PCDH9: variants seen among roughly 807,000 people sequenced by gnomAD.
PCDH9 encodes protocadherin 9.
In PCDH9, 24 loss-of-function variants were observed where a neutral mutation model predicts 70.6. The ratio of observed to expected loss-of-function variants is 0.34; its 90% CI spans 0.25 to 0.48. The LOEUF (loss-of-function observed/expected upper bound fraction) is 0.48, where lower values mean the gene tolerates loss of function less well. PCDH9 is among the 20% of genes least tolerant of loss of function. The probability of loss-of-function intolerance (pLI) is 0.99; values close to 1 mark genes in which losing one functional copy is unlikely to be tolerated. For missense variants in PCDH9, 1,281 were observed against 1,503.6 expected (o/e 0.85, Z 2.45); for synonymous variants, 562 against 558.5 (o/e 1.01, Z -0.09).
At chr13:67,165,565 T>C (rs1325379198) in intron 2 of PCDH9, among the ~76,000 whole-genome samples, 3 of 152,120 alleles carry the variant, frequency 2.0e-5, no homozygotes, top group South Asian at 4.1e-4. Flanking sequence ...AGAACTGAGA[T>C]TGAATCCATA....
At chr13:66,944,570 T>C (rs2083056844) in intron 2 of PCDH9, among the ~76,000 whole-genome samples, 1 of 152,142 alleles carries the variant, frequency 6.6e-6, no homozygotes, top group South Asian at 2.1e-4. Context: ...GAAGGGGATG[T>C]GGTCATGAAA....
At position 66,378,418 on chromosome 13, in the gene PCDH9, G is replaced by A. The variant is rs575489805; in HGVS notation, c.3341-73390C>T. ...ACAGTCCTTCTGAGATTGGGACAATGAATAATCTCTCTGTGTGTGTATGTG... is the reference window on the plus strand; with the variant it reads ...ACAGTCCTTCTGAGATTGGGACAATAAATAATCTCTCTGTGTGTGTATGTG... On this transcript the variant is annotated intron_variant, in intron 4 of 4. Coordinates refer to ENST00000377865, the MANE Select transcript of PCDH9 (RefSeq NM_203487.3). Among the ~76,000 whole-genome samples the A allele has an allele frequency of 2.0e-5, 3 of 152,222 alleles. No homozygotes were observed. The East Asian group carries it at 5.8e-4, about 29-fold the overall frequency.
intron 4 of PCDH9, among the ~76,000 whole-genome samples, chr13:66,510,842 T>G (rs971295953): frequency 1.3e-5 from 2 of 152,192 alleles, no homozygotes; most frequent in African/African-American, 4.8e-5. Flanking sequence ...CATCTTTTCA[T>G]TACATCTTCT....
chr13:66,881,874 A>C (rs1332704458), intron 3 of PCDH9, among the ~76,000 whole-genome samples: 1 of 152,224 alleles, frequency 6.6e-6, no homozygotes, highest in African/African-American at 2.4e-5. Context: ...GAGGTAGAAC[A>C]GGAGAACTTT....
At chr13:67,208,276 T>C (rs1225565296) in intron 2 of PCDH9, 2 of 152,190 alleles carry the variant, frequency 1.3e-5, no homozygotes, top group Non-Finnish European at 2.9e-5. Flanking sequence ...TTTTTTGTTT[T>C]ACTTTCATAT....
intron 3 of PCDH9, among the ~76,000 whole-genome samples, chr13:66,697,056 C>T (rs927992615): frequency 6.6e-6 from 1 of 151,914 alleles, no homozygotes; most frequent in African/African-American, 2.4e-5. Flanking sequence ...CATGATCACA[C>T]CACTGCACTC....
intron 2 of PCDH9, among the ~76,000 whole-genome samples, chr13:67,049,683 A>G (rs260164): frequency 6.6e-6 from 1 of 152,160 alleles, no homozygotes; most frequent in African/African-American, 2.4e-5. Context: ...TCAGAGTTAA[A>G]TTTTCAAACA....
intron 4 of PCDH9, among the ~76,000 whole-genome samples, chr13:66,581,011 T>C (rs930682005): frequency 3.9e-5 from 6 of 152,150 alleles, no homozygotes; most frequent in African/African-American, 1.4e-4. Flanking sequence ...CAAATTTTAT[T>C]TCCACTGATA....
intron 2 of PCDH9, among the ~76,000 whole-genome samples, chr13:66,974,655 T>C (rs1486393308): frequency 6.6e-6 from 1 of 152,060 alleles, no homozygotes; most frequent in East Asian, 1.9e-4. Context: ...ACCTACTCTA[T>C]GCGCCTAACT....
At chr13:66,369,635 A>T (rs1344966974) in intron 4 of PCDH9, among the ~76,000 whole-genome samples, 1 of 152,132 alleles carries the variant, frequency 6.6e-6, no homozygotes, top group Non-Finnish European at 1.5e-5. Context: ...AATAATCTAA[A>T]ATGGGGCAAA....
intron 3 of PCDH9, among the ~76,000 whole-genome samples, chr13:66,891,152 T>A (rs761485073): frequency 1.4e-4 from 21 of 152,130 alleles, no homozygotes; most frequent in Non-Finnish European, 2.9e-4. Context: ...TTCTTTTTAC[T>A]GCTGCATAGT....
chr13:66,755,549 G>A (rs1373118106), intron 3 of PCDH9, among the ~76,000 whole-genome samples: 2 of 152,094 alleles, frequency 1.3e-5, no homozygotes, highest in African/African-American at 4.8e-5. Context: ...AAATATAGAT[G>A]TCCACTATCT....
chr13:66,841,631 C>A (rs2081117904), intron 3 of PCDH9, among the ~76,000 whole-genome samples: 1 of 152,072 alleles, frequency 6.6e-6, no homozygotes, highest in Non-Finnish European at 1.5e-5. Context: ...CCCATTCCAT[C>A]CACTTTTGTT....
intron 3 of PCDH9, among the ~76,000 whole-genome samples, chr13:66,744,409 T>C (rs2079324648): frequency 6.6e-6 from 1 of 152,194 alleles, no homozygotes; most frequent in Non-Finnish European, 1.5e-5. Context: ...GTGTTATCAG[T>C]GAATTTTTTA....
intron 2 of PCDH9, among the ~76,000 whole-genome samples, chr13:66,919,715 T>C (rs1396166747): frequency 1.3e-5 from 2 of 151,036 alleles, no homozygotes; most frequent in Non-Finnish European, 3.0e-5. Context: ...GAGCAAGTGA[T>C]AAAACACTTA....
In PCDH9 at chr13:66,470,227, C is replaced by T. The variant is rs145944718; in HGVS notation, c.3340+160983G>A. ...ACATCTGTAGGTATATATATAGACA[C>T]AGATGAGAAAGAGAAAATAACAAGA... is the stretch of plus-strand genomic sequence containing the variant. On this transcript the variant is annotated intron_variant, in intron 4 of 4. Coordinates refer to ENST00000377865, the MANE Select transcript of PCDH9 (RefSeq NM_203487.3). 5.9e-3 allele frequency among the ~76,000 whole-genome samples: 901 copies of T among 152,186 alleles called. 8 individuals carry two copies. Among genetic ancestry groups the T allele is most frequent in the African/African-American group, 0.019 (801 of 41,514 alleles).
intron 4 of PCDH9, among the ~76,000 whole-genome samples, chr13:66,435,598 G>A (rs184796331): frequency 1.8e-3 from 267 of 152,110 alleles, no homozygotes; most frequent in African/African-American, 6.0e-3. Context: ...ACATGCTAAG[G>A]CTTTAATATT....
chr13:66,517,793 T>C (rs1443460140), intron 4 of PCDH9, among the ~76,000 whole-genome samples: 1 of 152,174 alleles, frequency 6.6e-6, no homozygotes, highest in Admixed American at 6.6e-5. Flanking sequence ...ATTTTTTTCC[T>C]CTTAATGATT....
At chr13:66,875,354 C>A (rs1218163988) in intron 3 of PCDH9, among the ~76,000 whole-genome samples, 1 of 152,096 alleles carries the variant, frequency 6.6e-6, no homozygotes, top group Non-Finnish European at 1.5e-5. Flanking sequence ...TATCTTCTAA[C>A]AAATTATTTG....
Sources: allele counts gnomAD v4.1 joint callset (sites outside exome capture counted in the v4.1 genomes callset), GRCh38; gene constraint gnomAD v4.1.1; transcripts MANE v1.5; gene names NCBI Gene and HGNC (gene_info 2026-07-23, HGNC 2026-07-21).